Variants in NIPSNAP2 observed in about 807,000 individuals in gnomAD.
NIPSNAP2 encodes the protein protein NipSnap homolog 2.
Under a neutral mutation model 48.4 loss-of-function variants are expected in NIPSNAP2, and 42 were observed. The observed-to-expected ratio is 0.87, with a 90% CI of 0.68 to 1.12. The LOEUF is 1.12. Ranked by LOEUF, NIPSNAP2 falls within the 50% of genes most tolerant of loss-of-function variation. The pLI is 0.00. For missense variants in NIPSNAP2, 314 were observed against 347.3 expected, an observed-to-expected ratio of 0.90 and a Z score of 0.76; for synonymous variants, 158 against 126.6, an observed-to-expected ratio of 1.25 and a Z score of -1.67.
chr7:55,982,256 C>A lies in NIPSNAP2; in HGVS notation c.420C>A (p.Val140=), dbSNP rs190182078. Residue 140 remains valine (V), a synonymous_variant, in exon 5 of 10, where the codon GTC becomes GTA. Coordinates refer to ENST00000322090, the MANE Select transcript of NIPSNAP2 (RefSeq NM_001483.3). ...YEGGYPALTE[V]MNKLRENKEF... is the part of the protein sequence containing the mutation. ...GAGGCTATCCAGCCCTCACAGAAGT[C>A]ATGAATAAACTCAGAGAAAATAAGG... 92 of 1,606,044 alleles carry A rather than the reference C, an allele frequency of 5.7e-5. No homozygotes were observed. Among genetic ancestry groups the A allele is most frequent in the South Asian group, 4.3e-4 (39 of 90,734 alleles).
intron 1 of NIPSNAP2, 145 bp from the exon 2 acceptor site, chr7:55,977,981 A>G (rs1257880196): frequency 3.7e-6 from 3 of 810,824 alleles, no homozygotes; most frequent in Admixed American, 2.5e-5. Context: ...CTTGGAGTGC[A>G]TGCTGTTGTC....
intron 7 of NIPSNAP2, among the ~76,000 whole-genome samples, chr7:55,990,425 G>C (rs1442742347): frequency 6.6e-6 from 1 of 151,928 alleles, no homozygotes; most frequent in Non-Finnish European, 1.5e-5. Context: ...TAGAGACGGG[G>C]TTTCACTGTG....
chr7:55,964,692 C>G lies in NIPSNAP2; in HGVS notation c.83C>G (p.Pro28Arg). 8.9e-7 allele frequency: 1 copy of G among 1,122,534 alleles called. No individual in the cohort carries two copies. Among genetic ancestry groups the G allele is most frequent in the Non-Finnish European group, 1.1e-6 (1 of 917,936 alleles). 69.5% of individuals were successfully genotyped at this position (1,122,534 alleles called of 1,614,324 possible). The change falls in exon 1 of 10, where the codon CCC becomes CGC. Residue 28 changes from proline to arginine, a missense_variant. Around this residue, in one of 2 missense-constraint regions of NIPSNAP2, gnomAD observed 198 missense variants for 185.5 expected, o/e 1.07. Coordinates refer to ENST00000322090, the MANE Select transcript of NIPSNAP2 (RefSeq NM_001483.3). ...LQRAAPCSLL[P>R]RLRTWTSSSN... is the part of the protein sequence containing the mutation. ...CGGGCGGCCCCCTGCAGCCTCCTGC[C>G]CAGGCTCCGGTGAGCAGCGCCGCCC...
chr7:55,989,174 T>A (rs1018976055), intron 7 of NIPSNAP2, among the ~76,000 whole-genome samples: 71 of 152,328 alleles, frequency 4.7e-4, no homozygotes, highest in African/African-American at 1.7e-3. Context: ...GATAAAGCTG[T>A]CCACGTCCTC....
chr7:55,964,769 C>T (rs1417645375), intron 1 of NIPSNAP2, 68 bp downstream of exon 1: 5 of 842,612 alleles, frequency 5.9e-6, no homozygotes, highest in Non-Finnish European at 7.5e-6. Context: ...GCGCGGGTTT[C>T]CCGGCGCCGG....
intron 1 of NIPSNAP2, among the ~76,000 whole-genome samples, chr7:55,965,432 A>C (rs1232280034): frequency 6.6e-6 from 1 of 152,112 alleles, no homozygotes; most frequent in African/African-American, 2.4e-5. Flanking sequence ...ACATTCAAAC[A>C]GCAAAGCCTA....
At chr7:55,982,636 C>T (rs1017427507) in intron 5 of NIPSNAP2, among the ~76,000 whole-genome samples, 64 of 151,890 alleles carry the variant, frequency 4.2e-4, no homozygotes, top group African/African-American at 1.4e-3. Flanking sequence ...CCTGTAGTCC[C>T]AGCTACTCGG....
chr7:55,992,062 ATATTGATCACT>A (rs1293203450), intron 7 of NIPSNAP2, among the ~76,000 whole-genome samples: 10 of 152,136 alleles, frequency 6.6e-5, no homozygotes, highest in African/African-American at 2.4e-4. Context: ...TTCTGTGAAG[ATATTGATCACT>A]TAATTCTCAA....
chr7:55,998,244 G>A (rs563423612), intron 9 of NIPSNAP2, among the ~76,000 whole-genome samples: 21 of 149,276 alleles, frequency 1.4e-4, no homozygotes, highest in African/African-American at 4.4e-4. Context: ...GCAAGAATCC[G>A]TCTCAAAAAA....
chr7:55,983,701 T>C (rs1383273189), intron 5 of NIPSNAP2, 27 bp from the exon 6 acceptor site: 2 of 1,612,250 alleles, frequency 1.2e-6, no homozygotes, highest in African/African-American at 2.7e-5. Context: ...TCAGAAGATT[T>C]CATGAGCACA....
chr7:55,966,933 C>T (rs1425772681), intron 1 of NIPSNAP2, among the ~76,000 whole-genome samples: 2 of 152,180 alleles, frequency 1.3e-5, no homozygotes, highest in Non-Finnish European at 2.9e-5. Flanking sequence ...TGTTATGTGG[C>T]AGTGGCCAGG....
chr7:55,982,237 A>C lies in NIPSNAP2; in HGVS notation c.401A>C (p.Tyr134Ser), dbSNP rs199850047. Residue 134 changes from tyrosine (Y) to serine (S), a missense_variant, in exon 5 of 10, where the codon TAT becomes TCT. By Grantham distance (144) the Tyr-to-Ser change is moderately radical. Coordinates refer to ENST00000322090, the MANE Select transcript of NIPSNAP2 (RefSeq NM_001483.3). ...AVHLWRYEGG[Y>S]PALTEVMNKL... is the part of the protein sequence containing the mutation. ...CACCTCTGGAGGTATGAAGGAGGCT[A>C]TCCAGCCCTCACAGAAGTCATGAAT... 1.7e-4 allele frequency: 281 copies of C among 1,610,274 alleles called. No homozygotes were observed. The highest frequency in any genetic ancestry group is 2.2e-4 in the Non-Finnish European group (264 of 1,176,852).
chr7:55,975,118 C>A (rs1015392632), intron 1 of NIPSNAP2, among the ~76,000 whole-genome samples: 1 of 151,976 alleles, frequency 6.6e-6, no homozygotes, highest in African/African-American at 2.4e-5. Context: ...TTCAGGAGGC[C>A]AAGGCAGGAG....
At chr7:55,987,288 C>T (rs187848824) in intron 7 of NIPSNAP2, among the ~76,000 whole-genome samples, 34 of 152,124 alleles carry the variant, frequency 2.2e-4, no homozygotes, top group Middle Eastern at 3.4e-3. Context: ...TTTGCAGTAG[C>T]CAAGAGGTAG....
At chr7:55,980,676 T>A (rs1787195270) in intron 3 of NIPSNAP2, 1 of 152,204 alleles carries the variant, frequency 6.6e-6, no homozygotes, top group East Asian at 1.9e-4. Context: ...GGAACCAAGC[T>A]CCACTCTGAC....
intron 7 of NIPSNAP2, among the ~76,000 whole-genome samples, chr7:55,986,986 A>T (rs990042607): frequency 1.3e-4 from 17 of 132,910 alleles, no homozygotes; most frequent in African/African-American, 2.8e-4. Flanking sequence ...GTCTCTATAA[A>T]AAAAAAAAAA....
chr7:55,966,945 G>A (rs1786907522), intron 1 of NIPSNAP2, among the ~76,000 whole-genome samples: 1 of 152,220 alleles, frequency 6.6e-6, no homozygotes, highest in African/African-American at 2.4e-5. Flanking sequence ...GTGGCCAGGA[G>A]GAGGGAGGGA....
intron 5 of NIPSNAP2, among the ~76,000 whole-genome samples, chr7:55,982,921 G>A (rs1243958096): frequency 1.3e-5 from 2 of 151,978 alleles, no homozygotes; most frequent in Non-Finnish European, 2.9e-5. Flanking sequence ...CCAGGAGTTT[G>A]AGACCAGCGT....
intron 8 of NIPSNAP2, among the ~76,000 whole-genome samples, chr7:55,996,796 G>A (rs1462712361): frequency 6.6e-6 from 1 of 152,204 alleles, no homozygotes; most frequent in Non-Finnish European, 1.5e-5. Flanking sequence ...TGGAGGCTGA[G>A]TCGGGAGGAT....
Sources: allele counts gnomAD v4.1 joint callset (sites outside exome capture counted in the v4.1 genomes callset), GRCh38; gene constraint gnomAD v4.1.1; regional missense constraint gnomAD v4.1.1; transcripts MANE v1.5; gene names NCBI Gene and HGNC (gene_info 2026-07-23, HGNC 2026-07-21).